Variants in LGR5 observed in about 807,000 individuals in gnomAD.
The protein encoded by LGR5 is leucine-rich repeat-containing G protein-coupled receptor 5.
In LGR5, 54 loss-of-function variants were observed where a neutral mutation model predicts 76.7. The ratio of observed to expected loss-of-function variants is 0.70; its 90% CI spans 0.57 to 0.88. LGR5 has a LOEUF of 0.88. Ranked by LOEUF, LGR5 falls within the 40% of genes least tolerant of loss-of-function variation. The pLI is 0.00. For synonymous variants in LGR5, 406 were observed against 421.9 expected (o/e 0.96, Z 0.46); for missense variants, 1,078 against 1,073.3 (o/e 1.00, Z -0.06).
intron 4 of LGR5, among the ~76,000 whole-genome samples, chr12:71,538,713 G>A (rs1267664237): frequency 6.6e-6 from 1 of 151,694 alleles, no homozygotes; most frequent in Non-Finnish European, 1.5e-5. Flanking sequence ...AATAAAATTG[G>A]CTGGGCGTCA....
At chr12:71,520,194 C>T (rs1444634652) in intron 2 of LGR5, among the ~76,000 whole-genome samples, 1 of 152,104 alleles carries the variant, frequency 6.6e-6, no homozygotes, top group Non-Finnish European at 1.5e-5. Context: ...GCAGTATATA[C>T]CTACAATGGT....
At chr12:71,529,382 TA>T (rs1244134166) in intron 3 of LGR5, among the ~76,000 whole-genome samples, 1 of 152,014 alleles carries the variant, frequency 6.6e-6, no homozygotes, top group Non-Finnish European at 1.5e-5. Flanking sequence ...CACACACTCT[TA>T]AACCATCAGA....
At chr12:71,469,203 CT>C (rs771010765) in intron 1 of LGR5, among the ~76,000 whole-genome samples, 3 of 152,192 alleles carry the variant, frequency 2.0e-5, no homozygotes, top group Non-Finnish European at 4.4e-5. Flanking sequence ...AAGTAACCGA[CT>C]TCCAAAGAGA....
chr12:71,454,863 G>A (rs754692034), intron 1 of LGR5, among the ~76,000 whole-genome samples: 6 of 151,354 alleles, frequency 4.0e-5, no homozygotes, highest in Non-Finnish European at 7.4e-5. Flanking sequence ...CACTCATTGT[G>A]GAAATACCCT....
At chr12:71,559,886 T>C (rs938347035) in intron 7 of LGR5, among the ~76,000 whole-genome samples, 3 of 152,212 alleles carry the variant, frequency 2.0e-5, no homozygotes, top group African/African-American at 4.8e-5. Flanking sequence ...AAACATATAT[T>C]TCTGTAAGTC....
intron 1 of LGR5, among the ~76,000 whole-genome samples, chr12:71,451,198 T>C (rs2137209157): frequency 6.6e-6 from 1 of 152,280 alleles, no homozygotes; most frequent in South Asian, 2.1e-4. Flanking sequence ...ATCAGATGGG[T>C]TGATTACAGC....
rs758669337 is a variant in LGR5, at chr12:71,583,961, T to C, written c.1951T>C (p.Ser651Pro). The C allele has an allele frequency of 6.2e-7, 1 of 1,614,186 alleles. No individual in the cohort carries two copies. The highest frequency in any genetic ancestry group is 2.2e-5 in the East Asian group (1 of 44,884). The change falls in exon 18 of 18, where the codon TCT (serine) becomes CCT (proline). Residue 651 changes from serine to proline, a missense_variant. Physicochemically the swap from Ser to Pro is moderately conservative, Grantham distance 74 (BLOSUM62 -1). Coordinates refer to ENST00000266674, the MANE Select transcript of LGR5 (RefSeq NM_003667.4). Reference protein sequence around the residue: ...GFLSIFASESSVFLLTLAALE... With the variant: ...GFLSIFASESPVFLLTLAALE... ...TTTGTCCATTTTTGCTTCAGAATCATCTGTTTTCCTGCTTACTCTGGCAGC... is the reference window on the plus strand; with the variant it reads ...TTTGTCCATTTTTGCTTCAGAATCACCTGTTTTCCTGCTTACTCTGGCAGC...
chr12:71,480,430 G>A (rs559026168), intron 1 of LGR5, among the ~76,000 whole-genome samples: 62 of 151,594 alleles, frequency 4.1e-4, no homozygotes, highest in African/African-American at 1.4e-3. Flanking sequence ...GGTGTGACTA[G>A]AGAGAGTTGG....
In LGR5 at chr12:71,440,360, G is replaced by T. The variant is rs1021648485; in HGVS notation, c.212+68G>T. Reference sequence around the variant, plus strand: ...GGAAGGAAGGTTCGTCCAAGGCGAGGCTGGAGGCTCCTCGGCGCCCGCCTG... The same window carrying T: ...GGAAGGAAGGTTCGTCCAAGGCGAGTCTGGAGGCTCCTCGGCGCCCGCCTG... On this transcript the variant is annotated intron_variant, in intron 1 of 17. Coordinates refer to ENST00000266674, the MANE Select transcript of LGR5 (RefSeq NM_003667.4). The surrounding 1 kb of genome is among the most constrained non-coding windows in gnomAD (Gnocchi z 5.3). 2.7e-6 allele frequency: 4 copies of T among 1,497,214 alleles called. No homozygotes were observed. The highest frequency in any genetic ancestry group is 3.7e-6 in the Non-Finnish European group (4 of 1,093,444). 92.7% of individuals were successfully genotyped at this position (1,497,214 alleles called of 1,614,324 possible).
At chr12:71,554,609 A>G (rs913638575) in intron 5 of LGR5, among the ~76,000 whole-genome samples, 3 of 152,208 alleles carry the variant, frequency 2.0e-5, no homozygotes, top group Admixed American at 1.3e-4. Context: ...TATAAACTAA[A>G]TTCCTCCCAA....
chr12:71,533,505 A>G (rs1359439438), intron 3 of LGR5, among the ~76,000 whole-genome samples: 2 of 152,132 alleles, frequency 1.3e-5, no homozygotes, highest in Non-Finnish European at 2.9e-5. Flanking sequence ...CTAAACCAGA[A>G]ACTTTGGGAT....
At chr12:71,497,151 G>A (rs560154067) in intron 1 of LGR5, among the ~76,000 whole-genome samples, 3,450 of 149,716 alleles carry the variant, frequency 0.023, 135 homozygotes, top group African/African-American at 0.08. Flanking sequence ...TCATCTCTAC[G>A]AAAAAAAAAA....
chr12:71,446,639 G>T (rs1872007634), intron 1 of LGR5, among the ~76,000 whole-genome samples: 1 of 152,190 alleles, frequency 6.6e-6, no homozygotes, highest in South Asian at 2.1e-4. Context: ...AAGAAAACAG[G>T]CTTTCCAATT....
intron 14 of LGR5, among the ~76,000 whole-genome samples, chr12:71,578,493 C>G (rs776869675): frequency 4.6e-5 from 7 of 152,194 alleles, no homozygotes; most frequent in South Asian, 2.1e-4. Flanking sequence ...CACTCCTAAT[C>G]TAGTCAGCAT....
chr12:71,495,078 C>A (rs4287406), intron 1 of LGR5, among the ~76,000 whole-genome samples: 1,851 of 148,260 alleles, frequency 0.012, 58 homozygotes, highest in Middle Eastern at 0.034. Context: ...GGGGCGTAGT[C>A]GGGGGGGGTC....
intron 1 of LGR5, among the ~76,000 whole-genome samples, chr12:71,462,478 A>T (rs2137229397): frequency 6.6e-6 from 1 of 152,034 alleles, no homozygotes; most frequent in Admixed American, 6.6e-5. Flanking sequence ...TTGGACTGGG[A>T]TCCATTTTTC....
At chr12:71,459,420 G>T (rs1405862171) in intron 1 of LGR5, among the ~76,000 whole-genome samples, 1 of 152,062 alleles carries the variant, frequency 6.6e-6, no homozygotes, top group Non-Finnish European at 1.5e-5. Flanking sequence ...GAAGCTGAGG[G>T]CCAGGTACAT....
chr12:71,513,706 T>G (rs1426396286), intron 2 of LGR5, among the ~76,000 whole-genome samples: 1 of 152,254 alleles, frequency 6.6e-6, no homozygotes, highest in Non-Finnish European at 1.5e-5. Flanking sequence ...ACTATTTATA[T>G]GTCCAAAAGC....
intron 1 of LGR5, among the ~76,000 whole-genome samples, chr12:71,454,128 C>T (rs1178498803): frequency 2.0e-5 from 3 of 152,126 alleles, no homozygotes; most frequent in Non-Finnish European, 4.4e-5. Context: ...ATTATTGTCT[C>T]TGCAGATGTT....
Sources: gnomAD v4.1 joint callset for allele counts (sites outside exome capture counted in the v4.1 genomes callset) on GRCh38, gnomAD v4.1.1 for gene constraint, Gnocchi (gnomAD v3.1) non-coding constraint, MANE v1.5 for transcripts, NCBI Gene and HGNC (gene_info 2026-07-23, HGNC 2026-07-21) for gene names.